The following NPAS3 variants were observed in gnomAD, a reference collection of about 807,000 sequenced individuals.
NPAS3 encodes the protein neuronal PAS domain-containing protein 3.
A neutral mutation model predicts 73.1 loss-of-function variants in NPAS3; 14 were observed. The observed-to-expected ratio is 0.19, with a 90% CI of 0.13 to 0.30. The LOEUF is 0.30. NPAS3 is among the 10% of genes least tolerant of loss of function. The pLI, the probability that NPAS3 is intolerant of heterozygous loss-of-function variation, is 1.00. For synonymous variants in NPAS3, 620 were observed against 541.5 expected, an observed-to-expected ratio of 1.14 and a Z score of -2.01; for missense variants, 1,096 against 1,250.0, an observed-to-expected ratio of 0.88 and a Z score of 1.86.
intron 2 of NPAS3, among the ~76,000 whole-genome samples, chr14:33,086,532 G>C (rs971397494): frequency 6.6e-6 from 1 of 152,112 alleles, no homozygotes; most frequent in Non-Finnish European, 1.5e-5. Context: ...AGAAGCGGCA[G>C]AATTTAACAG....
At chr14:33,439,948 T>C (rs1402006335) in intron 4 of NPAS3, among the ~76,000 whole-genome samples, 2 of 151,986 alleles carry the variant, frequency 1.3e-5, no homozygotes, top group Non-Finnish European at 2.9e-5. Context: ...ACCCCGTCTC[T>C]ACTAAAAATA....
chr14:32,999,733 G>A (rs1313159049), intron 1 of NPAS3, among the ~76,000 whole-genome samples: 1 of 152,120 alleles, frequency 6.6e-6, no homozygotes, highest in African/African-American at 2.4e-5. Flanking sequence ...GGAAAAATCT[G>A]TTAGTGATGT....
At chr14:33,649,447 G>A (rs1187534786) in intron 5 of NPAS3, among the ~76,000 whole-genome samples, 2 of 152,162 alleles carry the variant, frequency 1.3e-5, no homozygotes, top group African/African-American at 4.8e-5. Flanking sequence ...CCAACAGTAC[G>A]GTACTGTAAC....
chr14:33,314,642 G>A (rs1286175092), intron 3 of NPAS3, among the ~76,000 whole-genome samples: 2 of 151,954 alleles, frequency 1.3e-5, no homozygotes, highest in African/African-American at 4.8e-5. Context: ...TCCATATAAT[G>A]AATGGTAAGT....
At chr14:33,345,182 T>C (rs1042641153) in intron 3 of NPAS3, among the ~76,000 whole-genome samples, 3 of 152,222 alleles carry the variant, frequency 2.0e-5, no homozygotes, top group African/African-American at 4.8e-5. Flanking sequence ...AAACGTAAAA[T>C]ACATCAAACT....
chr14:33,350,807 G>A (rs547356344), intron 3 of NPAS3, among the ~76,000 whole-genome samples: 6 of 152,248 alleles, frequency 3.9e-5, no homozygotes, highest in African/African-American at 9.6e-5. Flanking sequence ...CAAGTAATCC[G>A]TACATACTCA....
intron 1 of NPAS3, among the ~76,000 whole-genome samples, chr14:32,984,445 A>G (rs2038019967): frequency 1.3e-5 from 2 of 152,210 alleles, no homozygotes; most frequent in Admixed American, 1.3e-4. Context: ...GAACTGTAAC[A>G]GAGATCTGGT....
chr14:33,336,207 A>C (rs908314624), intron 3 of NPAS3, among the ~76,000 whole-genome samples: 2 of 152,166 alleles, frequency 1.3e-5, no homozygotes, highest in African/African-American at 2.4e-5. Flanking sequence ...TAGCAGCTTA[A>C]AACAACATTC....
intron 4 of NPAS3, among the ~76,000 whole-genome samples, chr14:33,530,116 T>C (rs531061355): frequency 2.6e-5 from 4 of 152,270 alleles, no homozygotes; most frequent in Admixed American, 2.6e-4. Context: ...ATTTAATGCA[T>C]AAAATATGTA....
chr14:33,220,624 T>C (rs1016581221), intron 3 of NPAS3, among the ~76,000 whole-genome samples: 1 of 152,180 alleles, frequency 6.6e-6, no homozygotes, highest in Non-Finnish European at 1.5e-5. Context: ...TTTCTGACAA[T>C]TGCAGGCTAA....
chr14:33,724,157 T>A (rs1212308763), intron 6 of NPAS3, among the ~76,000 whole-genome samples: 2 of 152,092 alleles, frequency 1.3e-5, no homozygotes, highest in Non-Finnish European at 2.9e-5. Context: ...GGCAAAAAAA[T>A]GGGATGTATT....
At chr14:33,072,492 A>T (rs2041519854) in intron 2 of NPAS3, among the ~76,000 whole-genome samples, 2 of 152,234 alleles carry the variant, frequency 1.3e-5, no homozygotes. Flanking sequence ...ATAGAAATAC[A>T]CTGAAAGCTT....
intron 2 of NPAS3, among the ~76,000 whole-genome samples, chr14:33,125,960 A>G (rs1358572284): frequency 6.6e-6 from 1 of 152,198 alleles, no homozygotes; most frequent in Non-Finnish European, 1.5e-5. Context: ...AGGGCTTTGA[A>G]CACAAATGGC....
intron 4 of NPAS3, among the ~76,000 whole-genome samples, chr14:33,433,445 T>C (rs2048860256): frequency 6.6e-6 from 1 of 152,078 alleles, no homozygotes. Flanking sequence ...TTTAACCTCA[T>C]CTCCAGAAAC....
chr14:33,444,375 G>A (rs1566908968), intron 4 of NPAS3, among the ~76,000 whole-genome samples: 1 of 152,186 alleles, frequency 6.6e-6, no homozygotes, highest in Non-Finnish European at 1.5e-5. Context: ...ATGACATGGG[G>A]TTGTTAAGCC....
In NPAS3 at chr14:33,528,853, T is replaced by C. The variant is rs548062835; in HGVS notation, c.469-31268T>C. On this transcript the variant is annotated intron_variant, in intron 4 of 11. Transcript: ENST00000356141. ...TGTCACATGCCTTAAGGAATAGCGG[T>C]CACGTGTCACATCATTTAATTCTCA... Among the ~76,000 whole-genome samples the C allele has an allele frequency of 3.3e-5, 5 of 152,228 alleles. No individual in the cohort carries two copies. In the East Asian group the frequency reaches 9.7e-4, roughly 29 times the overall value.
At chr14:33,234,848 T>C (rs1182782894) in intron 3 of NPAS3, among the ~76,000 whole-genome samples, 3 of 152,150 alleles carry the variant, frequency 2.0e-5, no homozygotes, top group Non-Finnish European at 2.9e-5. Flanking sequence ...TGATTGCTCG[T>C]GTTGCAACTC....
At chr14:33,711,468 C>A (rs919211927) in intron 6 of NPAS3, among the ~76,000 whole-genome samples, 1 of 152,064 alleles carries the variant, frequency 6.6e-6, no homozygotes. Flanking sequence ...GCCAAATAAA[C>A]GTAGATAGAA....
chr14:33,800,690 A>C lies in NPAS3; in HGVS notation c.2383A>C (p.Arg795=). 1 of 1,546,388 alleles carries C rather than the reference A, an allele frequency of 6.5e-7. No homozygotes were observed. The highest frequency in any genetic ancestry group is 1.4e-5 in the African/African-American group (1 of 73,184). Residue 795 remains arginine (R), a synonymous_variant, in exon 12 of 12, where the codon AGG becomes CGG. Transcript: ENST00000356141. This position sits in a 1 kb window ranked among gnomAD's most constrained non-coding sequence, Gnocchi z 6.5. ...CACTGGGGACCTGGAGGCGCTGCAG[A>C]GGTTGCAGGCGGGCAACGTCGTGCT...
Sources: allele counts gnomAD v4.1 joint callset (sites outside exome capture counted in the v4.1 genomes callset), GRCh38; gene constraint gnomAD v4.1.1; non-coding constraint Gnocchi (gnomAD v3.1); transcripts MANE v1.5; gene names NCBI Gene and HGNC (gene_info 2026-07-23, HGNC 2026-07-21).